The following DIAPH1 variants were observed in gnomAD, a reference collection of about 807,000 sequenced individuals.
DIAPH1 encodes protein diaphanous homolog 1.
DIAPH1 carries 46 observed loss-of-function variants against 140.7 expected under a neutral mutation model. The observed-to-expected ratio is 0.33, with a 90% CI of 0.26 to 0.42. DIAPH1 has a LOEUF of 0.42. DIAPH1 is among the 10% of genes least tolerant of loss of function. The probability of loss-of-function intolerance (pLI) is 1.00; values close to 1 mark genes in which losing one functional copy is unlikely to be tolerated. For synonymous variants in DIAPH1, 565 were observed against 551.6 expected, an observed-to-expected ratio of 1.02 and a Z score of -0.34; for missense variants, 1,310 against 1,558.7, an observed-to-expected ratio of 0.84 and a Z score of 2.69.
chr5:141,534,487 T>G, intron 18 of DIAPH1, 54 bp from the exon 19 acceptor site: 1 of 1,439,082 alleles, frequency 6.9e-7, no homozygotes, highest in Non-Finnish European at 9.8e-7. Flanking sequence ...CCTCTGTGCT[T>G]TACCAAGCAA....
At chr5:141,527,236 A>G (rs2099887491) in intron 24 of DIAPH1, among the ~76,000 whole-genome samples, 1 of 152,090 alleles carries the variant, frequency 6.6e-6, no homozygotes, top group Admixed American at 6.6e-5. Context: ...GTGAGACCCC[A>G]TCTCTAAAGA....
At chr5:141,534,825 T>C (rs576529089) in intron 18 of DIAPH1, among the ~76,000 whole-genome samples, 3 of 152,292 alleles carry the variant, frequency 2.0e-5, no homozygotes, top group East Asian at 1.9e-4. Flanking sequence ...ATGGGCATGG[T>C]TGTGTTCCAT....
chr5:141,549,457 A>G (rs1378315063), intron 18 of DIAPH1, among the ~76,000 whole-genome samples: 1 of 152,222 alleles, frequency 6.6e-6, no homozygotes, highest in Non-Finnish European at 1.5e-5. Flanking sequence ...TGGAAGAATT[A>G]ACACCCGTCA....
chr5:141,539,459 A>G (rs1329393720), intron 18 of DIAPH1, among the ~76,000 whole-genome samples: 19 of 138,186 alleles, frequency 1.4e-4, no homozygotes, highest in Middle Eastern at 3.9e-3. Flanking sequence ...TTTAGTAGAG[A>G]CAGGGTTTCA....
At chr5:141,612,264 A>G (rs2099901967) in intron 1 of DIAPH1, among the ~76,000 whole-genome samples, 1 of 152,216 alleles carries the variant, frequency 6.6e-6, no homozygotes, top group South Asian at 2.1e-4. Flanking sequence ...TTCTCAATTA[A>G]GCATAGATCT....
At chr5:141,553,286 T>C (rs1380220382) in intron 18 of DIAPH1, among the ~76,000 whole-genome samples, 6 of 145,916 alleles carry the variant, frequency 4.1e-5, no homozygotes, top group African/African-American at 1.3e-4. Context: ...GCTGTCTTTT[T>C]TTTTTGACCC....
chr5:141,589,953 G>A (rs1203235150), intron 1 of DIAPH1, among the ~76,000 whole-genome samples: 1 of 150,762 alleles, frequency 6.6e-6, no homozygotes, highest in African/African-American at 2.4e-5. Context: ...GTCTCCCTGT[G>A]TTGCCCAGGC....
chr5:141,592,050 CCA>C (rs2099898567), intron 1 of DIAPH1, among the ~76,000 whole-genome samples: 2 of 148,796 alleles, frequency 1.3e-5, no homozygotes, highest in South Asian at 4.3e-4. Flanking sequence ...CCACTGCACT[CCA>C]GTCTGGGTGA....
chr5:141,542,952 T>A (rs2099890229), intron 18 of DIAPH1, among the ~76,000 whole-genome samples: 1 of 152,156 alleles, frequency 6.6e-6, no homozygotes, highest in Admixed American at 6.6e-5. Flanking sequence ...CAGTATCCTA[T>A]CAATGATAAA....
intron 1 of DIAPH1, among the ~76,000 whole-genome samples, chr5:141,592,077 G>A (rs1283461564): frequency 1.3e-4 from 18 of 140,794 alleles, no homozygotes; most frequent in African/African-American, 4.8e-4. Context: ...GCGAGACTCT[G>A]TATCAAAAAA....
At chr5:141,536,752 G>C (rs1180820267) in intron 18 of DIAPH1, among the ~76,000 whole-genome samples, 4 of 152,128 alleles carry the variant, frequency 2.6e-5, no homozygotes, top group Non-Finnish European at 5.9e-5. Context: ...AAATGCAAAG[G>C]CCTGAGATAG....
At position 141,577,014 on chromosome 5, in the gene DIAPH1, T is replaced by C. The variant is rs2099896058; in HGVS notation, c.1281-143A>G. 7 of 669,414 alleles carry C rather than the reference T, an allele frequency of 1.0e-5. No homozygotes were observed. In the Admixed American group the frequency reaches 1.2e-4, roughly 11 times the overall value. 41.5% of individuals were successfully genotyped at this position (669,414 alleles called of 1,614,324 possible). A position where few individuals can be genotyped will look rare whatever the true frequency, so the allele number is the denominator to read the frequency against. ...AAAGTTAACACAAGTATTGCTGCCA[T>C]GCTAAGAAAACTCCTTTTTCCACAT... On this transcript the variant is annotated intron_variant, in intron 12 of 27. Coordinates refer to ENST00000389054, the MANE Select transcript of DIAPH1 (RefSeq NM_005219.5).
In DIAPH1 at chr5:141,579,140, C is replaced by T; in HGVS notation, c.881G>A (p.Arg294His). ...TAATCCATCCAGCAGCGGCTGGAAA[C>T]GTTCCACTTCATCCATCTCAGCTCT... is the stretch of plus-strand genomic sequence containing the variant. Reference protein sequence around the residue: ...TERAEMDEVERFQPLLDGLKS... With the variant: ...TERAEMDEVEHFQPLLDGLKS... Residue 294 changes from arginine to histidine, a missense_variant, in exon 9 of 28, where the codon CGT (arginine) becomes CAT (histidine). By Grantham distance (29) the Arg-to-His change is conservative. Coordinates refer to ENST00000389054, the MANE Select transcript of DIAPH1 (RefSeq NM_005219.5). 1.9e-6 allele frequency: 3 copies of T among 1,614,182 alleles called. No homozygotes were observed. Among genetic ancestry groups the T allele is most frequent in the South Asian group, 1.1e-5 (1 of 91,088 alleles).
At chr5:141,518,982 G>A (rs1282930645) in intron 27 of DIAPH1, 4 of 1,550,470 alleles carry the variant, frequency 2.6e-6, no homozygotes, top group South Asian at 1.2e-5. Flanking sequence ...ACTTCCCAGG[G>A]GCACAAGAGG....
At chr5:141,564,259 A>C (rs879261435) in intron 18 of DIAPH1, 1 of 152,226 alleles carries the variant, frequency 6.6e-6, no homozygotes, top group African/African-American at 2.4e-5. Flanking sequence ...CAGTCCTCCA[A>C]ATAAATTTCC....
intron 1 of DIAPH1, among the ~76,000 whole-genome samples, chr5:141,597,127 G>C (rs981264926): frequency 6.6e-5 from 10 of 152,084 alleles, no homozygotes; most frequent in African/African-American, 2.4e-4. Context: ...TAGAGAGCAA[G>C]TTATCAAGGA....
intron 1 of DIAPH1, among the ~76,000 whole-genome samples, chr5:141,593,375 G>A (rs1050695310): frequency 1.3e-5 from 2 of 152,098 alleles, no homozygotes; most frequent in Non-Finnish European, 2.9e-5. Context: ...GGATGCCAGG[G>A]TCCCTATACT....
At chr5:141,526,558 G>C (rs1412576600) in intron 24 of DIAPH1, 97 bp from the exon 25 acceptor site, 12 of 1,458,726 alleles carry the variant, frequency 8.2e-6, no homozygotes, top group African/African-American at 2.8e-5. Flanking sequence ...GGCATGCAAA[G>C]GGATGTTCAA....
intron 1 of DIAPH1, among the ~76,000 whole-genome samples, chr5:141,606,586 G>T (rs1157827103): frequency 2.0e-5 from 3 of 151,910 alleles, no homozygotes; most frequent in Admixed American, 6.6e-5. Flanking sequence ...GTAGAGACGG[G>T]GTTTCACCAT....
Sources: allele counts gnomAD v4.1 joint callset (sites outside exome capture counted in the v4.1 genomes callset), GRCh38; gene constraint gnomAD v4.1.1; transcripts MANE v1.5; gene names NCBI Gene and HGNC (gene_info 2026-07-23, HGNC 2026-07-21).